The following DNAAF11 variants were observed in gnomAD, a reference collection of about 807,000 sequenced individuals.
DNAAF11 encodes the protein dynein axonemal assembly factor 11, also known as leucine rich repeat containing 6.
DNAAF11 carries 45 observed loss-of-function variants against 60.8 expected under a neutral mutation model. The observed-to-expected ratio is 0.74, with a 90% CI of 0.58 to 0.95. DNAAF11 has a LOEUF of 0.95. Ranked by LOEUF, DNAAF11 falls within the 40% of genes least tolerant of loss-of-function variation. The pLI, the probability that DNAAF11 is intolerant of heterozygous loss-of-function variation, is 0.00. For missense variants in DNAAF11, 546 were observed against 546.2 expected (o/e 1.00, Z 0.00); for synonymous variants, 191 against 183.5 (o/e 1.04, Z -0.33).
intron 5 of DNAAF11, among the ~76,000 whole-genome samples, chr8:132,632,017 T>A (rs1463423729): frequency 1.3e-5 from 2 of 149,354 alleles, no homozygotes; most frequent in African/African-American, 2.5e-5. Flanking sequence ...AAGTATAATT[T>A]AAAAAAAAGT....
chr8:132,595,467 A>G (rs978189244), intron 10 of DNAAF11, among the ~76,000 whole-genome samples: 2 of 152,020 alleles, frequency 1.3e-5, no homozygotes, highest in African/African-American at 4.8e-5. Flanking sequence ...CTGGGCCACA[A>G]CAAGAAGTCT....
chr8:132,635,849 G>T (rs1261776743), intron 4 of DNAAF11, among the ~76,000 whole-genome samples: 1 of 152,106 alleles, frequency 6.6e-6, no homozygotes, highest in Non-Finnish European at 1.5e-5. Flanking sequence ...TCTTTATAAA[G>T]AGTCTTGTGA....
At chr8:132,668,963 T>A (rs1287898536) in intron 1 of DNAAF11, among the ~76,000 whole-genome samples, 1 of 152,196 alleles carries the variant, frequency 6.6e-6, no homozygotes, top group Non-Finnish European at 1.5e-5. Flanking sequence ...GTCATGGCCT[T>A]TCCTTTCCTG....
intron 6 of DNAAF11, among the ~76,000 whole-genome samples, chr8:132,623,604 C>T (rs935311733): frequency 6.6e-6 from 1 of 152,076 alleles, no homozygotes; most frequent in African/African-American, 2.4e-5. Context: ...CTTAAATAGG[C>T]AAATATGGAC....
intron 11 of DNAAF11, among the ~76,000 whole-genome samples, chr8:132,576,863 T>C (rs1216232258): frequency 6.6e-6 from 1 of 152,230 alleles, no homozygotes; most frequent in African/African-American, 2.4e-5. Context: ...CCCACCTCAC[T>C]GATGCAGAAG....
At chr8:132,589,606 C>G (rs1208265355) in intron 10 of DNAAF11, among the ~76,000 whole-genome samples, 1 of 152,194 alleles carries the variant, frequency 6.6e-6, no homozygotes, top group Non-Finnish European at 1.5e-5. Context: ...TGTTCCTGCA[C>G]CCAACCTCAC....
intron 11 of DNAAF11, among the ~76,000 whole-genome samples, chr8:132,573,038 A>G (rs1814373513): frequency 2.0e-5 from 3 of 152,164 alleles, no homozygotes; most frequent in African/African-American, 7.2e-5. Flanking sequence ...AATAGCAAGC[A>G]TGAAACAGAA....
chr8:132,642,431 C>A (rs186347402), intron 3 of DNAAF11, among the ~76,000 whole-genome samples: 1 of 152,254 alleles, frequency 6.6e-6, no homozygotes, highest in African/African-American at 2.4e-5. Flanking sequence ...TGCATTGGGG[C>A]TGGCCCCAGG....
At chr8:132,627,161 C>T (rs1376482545) in intron 5 of DNAAF11, among the ~76,000 whole-genome samples, 2 of 152,092 alleles carry the variant, frequency 1.3e-5, no homozygotes, top group South Asian at 2.1e-4. Flanking sequence ...TAATATTCTA[C>T]AATATTCTAT....
At chr8:132,689,083 C>A in the DNAAF11 span, among the ~76,000 whole-genome samples, 2 of 151,992 alleles carry the variant, frequency 1.3e-5, no homozygotes, top group African/African-American at 4.8e-5. Flanking sequence ...GGTATTTGTG[C>A]CTGGGTGATG....
intron 10 of DNAAF11, 88 bp downstream of exon 10, chr8:132,610,078 T>A: frequency 1.1e-6 from 1 of 879,006 alleles, no homozygotes; most frequent in Non-Finnish European, 1.9e-6. Context: ...TGTACTTTAA[T>A]CAGAAGTCAT....
the DNAAF11 span, among the ~76,000 whole-genome samples, chr8:132,698,053 C>G: frequency 6.6e-6 from 1 of 152,206 alleles, no homozygotes; most frequent in African/African-American, 2.4e-5. Flanking sequence ...GACTTGGAGG[C>G]AGACCTCACC....
intron 1 of DNAAF11, among the ~76,000 whole-genome samples, chr8:132,674,097 CAGGAGGAGGAGGAGCAGG>C (rs1825466893): frequency 3.5e-4 from 13 of 37,266 alleles, no homozygotes; most frequent in South Asian, 1.8e-3. Flanking sequence ...GGAGGAGGAG[CAGGAGGAGGAGGAGCAGG>C]AGGAGGAGGA....
At chr8:132,688,384 A>C in the DNAAF11 span, among the ~76,000 whole-genome samples, 3 of 152,146 alleles carry the variant, frequency 2.0e-5, no homozygotes, top group African/African-American at 7.2e-5. Context: ...CTGAATTTTC[A>C]CGAAGGAGCT....
the DNAAF11 span, among the ~76,000 whole-genome samples, chr8:132,688,328 T>G: frequency 6.6e-6 from 1 of 152,198 alleles, no homozygotes; most frequent in African/African-American, 2.4e-5. Flanking sequence ...GGACATATCT[T>G]GGCTCTGCCT....
chr8:132,649,345 T>C (rs2130702513), intron 3 of DNAAF11, among the ~76,000 whole-genome samples: 1 of 152,284 alleles, frequency 6.6e-6, no homozygotes, highest in Non-Finnish European at 1.5e-5. Context: ...ATCCCTTCCT[T>C]ACACCTTAAC....
At chr8:132,587,211 T>C (rs1400269042) in intron 10 of DNAAF11, among the ~76,000 whole-genome samples, 1 of 152,188 alleles carries the variant, frequency 6.6e-6, no homozygotes, top group Non-Finnish European at 1.5e-5. Flanking sequence ...GGAACTTTTA[T>C]TCACAGGGAA....
intron 5 of DNAAF11, 25 bp from the exon 6 acceptor site, chr8:132,625,479 A>G: frequency 6.4e-7 from 1 of 1,553,214 alleles, no homozygotes; most frequent in Non-Finnish European, 8.7e-7. Flanking sequence ...TAGAGCACTT[A>G]AAAACAATAA....
In DNAAF11 at chr8:132,668,462, T is replaced by C. The variant is rs527453112; in HGVS notation, c.11-6835A>G. On this transcript the variant is annotated intron_variant, in intron 1 of 11. Transcript: ENST00000620350. ...GGAGTCTGAGCTGAATCTTTTTTTT[T>C]TTCTTTGAGACAGAGTCTCGCTCTG... 2.0e-5 allele frequency among the ~76,000 whole-genome samples: 3 copies of C among 152,234 alleles called. No individual in the cohort carries two copies. The East Asian group carries it at 5.8e-4, about 29-fold the overall frequency.
Sources: allele counts gnomAD v4.1 joint callset (sites outside exome capture counted in the v4.1 genomes callset), GRCh38; gene constraint gnomAD v4.1.1; transcripts MANE v1.5; gene names NCBI Gene and HGNC (gene_info 2026-07-23, HGNC 2026-07-21).